The following TRMT1L variants were observed in gnomAD, a reference collection of about 807,000 sequenced individuals.
TRMT1L encodes the protein tRNA methyltransferase 1L, also known as tRNA (guanine(27)-N(2))-dimethyltransferase.
In TRMT1L, 28 loss-of-function variants were observed where a neutral mutation model predicts 81.6. That is an observed-to-expected ratio of 0.34 (90% CI 0.25 to 0.47). The LOEUF is 0.47. Ranked by LOEUF, TRMT1L falls within the 20% of genes least tolerant of loss-of-function variation. The probability of loss-of-function intolerance (pLI) is 1.00; values close to 1 mark genes in which losing one functional copy is unlikely to be tolerated. For synonymous variants in TRMT1L, 301 were observed against 303.2 expected (o/e 0.99, Z 0.07); for missense variants, 739 against 877.1 (o/e 0.84, Z 1.99).
intron 10 of TRMT1L, among the ~76,000 whole-genome samples, chr1:185,129,724 G>A (rs1358911810): frequency 2.6e-5 from 4 of 152,166 alleles, no homozygotes. Flanking sequence ...TTGGTATAAT[G>A]CATAGTTATG....
chr1:185,137,906 C>G, intron 9 of TRMT1L, 110 bp from the exon 10 acceptor site: 2 of 1,043,316 alleles, frequency 1.9e-6, no homozygotes, highest in South Asian at 1.9e-5. Flanking sequence ...TATGGGACAT[C>G]AAGAAAAATT....
In TRMT1L at chr1:185,156,619, C is replaced by A. The variant is rs1246269976; in HGVS notation, c.94G>T (p.Ala32Ser). ...TCCGGGGCCGGAGCTGGGACCCCAG[C>A]CGAGTCCCGGGCCGGGGTCGGGACC... ...VQVPTPARDS[A>S]GVPAPAPDSA... is the part of the protein sequence containing the mutation. The change falls in exon 1 of 15, where the codon GCT (alanine) becomes TCT (serine). Residue 32 changes from alanine (A) to serine (S), a missense_variant. Ala to Ser is a moderately conservative substitution (Grantham distance 99). Coordinates refer to ENST00000367506, the MANE Select transcript of TRMT1L (RefSeq NM_030934.5). The A allele has an allele frequency of 1.2e-6, 2 of 1,602,242 alleles. No individual in the cohort carries two copies. Among genetic ancestry groups the A allele is most frequent in the Admixed American group, 3.4e-5 (2 of 58,500 alleles).
intron 11 of TRMT1L, 30 bp from the exon 12 acceptor site, chr1:185,125,140 G>A: frequency 1.3e-6 from 2 of 1,516,532 alleles, no homozygotes; most frequent in Admixed American, 2.1e-5. Context: ...CAGAGAACTG[G>A]GTTTGAAAAA....
At chr1:185,139,316 C>G (rs1177978358) in intron 9 of TRMT1L, 51 bp downstream of exon 9, 1 of 1,469,922 alleles carries the variant, frequency 6.8e-7, no homozygotes, top group East Asian at 2.4e-5. Flanking sequence ...AATATTATCT[C>G]TTTTTATCAA....
At chr1:185,145,178 T>C (rs150505862) in intron 5 of TRMT1L, among the ~76,000 whole-genome samples, 26 of 152,022 alleles carry the variant, frequency 1.7e-4, no homozygotes, top group African/African-American at 6.3e-4. Context: ...AAAACAATTC[T>C]ATAATCTTTC....
intron 1 of TRMT1L, among the ~76,000 whole-genome samples, chr1:185,153,960 C>T (rs1359268274): frequency 3.3e-5 from 5 of 152,192 alleles, no homozygotes; most frequent in African/African-American, 7.2e-5. Flanking sequence ...TGTCCTTGTT[C>T]GCTTTCCCCA....
In TRMT1L at chr1:185,156,526, G is replaced by C. The variant is rs765330105; in HGVS notation, c.187C>G (p.Pro63Ala). Residue 63 changes from proline to alanine, a missense_variant, in exon 1 of 15, where the codon CCG (proline) becomes GCG (alanine). Pro to Ala is a conservative substitution (Grantham distance 27). Transcript: ENST00000367506. ...PAPAPALAQA[P>A]ALSPSLASAP... is the part of the protein sequence containing the mutation. ...GAGGCTAGGGACGGGGACAGGGCCG[G>C]AGCCTGGGCCAGGGCAGGGGCTGGG... 2 of 1,613,070 alleles carry C rather than the reference G, an allele frequency of 1.2e-6. No homozygotes were observed. The highest frequency in any genetic ancestry group is 1.3e-5 in the African/African-American group (1 of 74,902).
At chr1:185,135,696 T>C (rs1175535937) in intron 10 of TRMT1L, among the ~76,000 whole-genome samples, 1 of 151,656 alleles carries the variant, frequency 6.6e-6, no homozygotes, top group Non-Finnish European at 1.5e-5. Flanking sequence ...TAAAAAAAAA[T>C]CAGTTTTTCA....
chr1:185,138,451 A>G (rs1652954768), intron 9 of TRMT1L, among the ~76,000 whole-genome samples: 1 of 152,312 alleles, frequency 6.6e-6, no homozygotes, highest in Admixed American at 6.5e-5. Context: ...AAGGTCTATG[A>G]AGTCTAATAA....
In TRMT1L at chr1:185,140,093, T is replaced by C; in HGVS notation, c.989A>G (p.Asp330Gly). The change falls in exon 8 of 15, where the codon GAC (aspartate) becomes GGC (glycine). Residue 330 changes from aspartate (D) to glycine (G), a missense_variant. Asp to Gly is a moderately conservative substitution (Grantham distance 94). Around this residue, in one of 4 missense-constraint regions of TRMT1L, gnomAD observed 331 missense variants for 462.2 expected, o/e 0.72. Coordinates refer to ENST00000367506, the MANE Select transcript of TRMT1L (RefSeq NM_030934.5). Reference protein sequence around the residue: ...CHLNKLKVVVDSKEKEKSDDI... With the variant: ...CHLNKLKVVVGSKEKEKSDDI... ...ATCACTCTTTTCCTTTTCCTTACTGTCCACCACCACTTTCAATTTGTTTAA... is the reference window on the plus strand; with the variant it reads ...ATCACTCTTTTCCTTTTCCTTACTGCCCACCACCACTTTCAATTTGTTTAA... 6.2e-7 allele frequency: 1 copy of C among 1,613,856 alleles called. No homozygotes were observed. The highest frequency in any genetic ancestry group is 8.5e-7 in the Non-Finnish European group (1 of 1,179,872).
At chr1:185,138,434 A>G (rs562519091) in intron 9 of TRMT1L, among the ~76,000 whole-genome samples, 1 of 152,312 alleles carries the variant, frequency 6.6e-6, no homozygotes, top group East Asian at 1.9e-4. Flanking sequence ...AATTAGAAAC[A>G]ACCCTGAAGG....
intron 3 of TRMT1L, among the ~76,000 whole-genome samples, chr1:185,149,304 CTT>C (rs369603781): frequency 7.9e-5 from 11 of 139,862 alleles, no homozygotes; most frequent in Admixed American, 1.4e-4. Flanking sequence ...TTTACTTCCT[CTT>C]TTTTTTTTTT....
intron 2 of TRMT1L, 78 bp from the exon 3 acceptor site, chr1:185,150,570 T>TG (rs1653316322): frequency 1.0e-6 from 1 of 982,922 alleles, no homozygotes; most frequent in Middle Eastern, 2.1e-4. Context: ...AAGAGGTTAA[T>TG]GGGGGCTCCC....
chr1:185,134,703 T>C (rs764024915), intron 10 of TRMT1L, among the ~76,000 whole-genome samples: 12 of 152,254 alleles, frequency 7.9e-5, no homozygotes, highest in Non-Finnish European at 1.6e-4. Context: ...AGAACTTCTA[T>C]AAGGCACTCA....
In TRMT1L at chr1:185,123,911, C is replaced by A; in HGVS notation, c.1768G>T (p.Gly590Cys). The change falls in exon 13 of 15, where the codon GGT becomes TGT. Residue 590 changes from glycine (G) to cysteine (C), a missense_variant. By Grantham distance (159) the Gly-to-Cys change is radical (BLOSUM62 -3). Coordinates refer to ENST00000367506, the MANE Select transcript of TRMT1L (RefSeq NM_030934.5). ...TCATCTGTAGTTTTAATAAATACAC[C>A]ATTTTCTTCTAAAAAATAAAGCAAA... is the stretch of plus-strand genomic sequence containing the variant. Reference protein sequence around the residue: ...SSNVNKQEENGVFIKTTDDTT... With the variant: ...SSNVNKQEENCVFIKTTDDTT... The A allele has an allele frequency of 2.7e-6, 4 of 1,492,476 alleles. No homozygotes were observed. The highest frequency in any genetic ancestry group is 1.7e-4 in the Middle Eastern group (1 of 5,728). The allele number at this position is 1,492,476 out of a possible 1,614,324, so 92.5% of individuals were successfully genotyped here. A position where few individuals can be genotyped will look rare whatever the true frequency, so the allele number is the denominator to read the frequency against.
Position 185,131,341 on chromosome 1 carries a change from C to T in TRMT1L, c.1514-2594G>A, listed in dbSNP as rs1036075705. On this transcript the variant is annotated intron_variant, in intron 10 of 14. Coordinates refer to ENST00000367506, the MANE Select transcript of TRMT1L (RefSeq NM_030934.5). ...AAAACAATTTTTCACTGTGGACAACCGAAGACCACAAAACATTTGAGAACT... is the reference window on the plus strand; with the variant it reads ...AAAACAATTTTTCACTGTGGACAACTGAAGACCACAAAACATTTGAGAACT... Among the ~76,000 whole-genome samples, 7 of 151,918 alleles carry T rather than the reference C, an allele frequency of 4.6e-5. 1 individual carries two copies. In the South Asian group the frequency reaches 8.3e-4, roughly 18 times the overall value.
At position 185,125,075 on chromosome 1, in the gene TRMT1L, C is replaced by G; in HGVS notation, c.1628G>C (p.Arg543Thr). The change falls in exon 12 of 15, where the codon AGA (arginine) becomes ACA (threonine). Residue 543 changes from arginine to threonine, a missense_variant. Around this residue, in one of 4 missense-constraint regions of TRMT1L, gnomAD observed 196 missense variants for 232.6 expected, o/e 0.84. Transcript: ENST00000367506. ...SSLFNTGFLK[R>T]MLFESLHHGL... ...ATGGTGAAGAGATTCAAATAGCATT[C>G]TTTTGAGGAATCCAGTATTGAAAAG... 6.2e-7 allele frequency: 1 copy of G among 1,611,288 alleles called. No homozygotes were observed. The highest frequency in any genetic ancestry group is 8.5e-7 in the Non-Finnish European group (1 of 1,178,440).
At chr1:185,144,458 C>T (rs1653131987) in intron 5 of TRMT1L, among the ~76,000 whole-genome samples, 1 of 151,966 alleles carries the variant, frequency 6.6e-6, no homozygotes, top group Non-Finnish European at 1.5e-5. Context: ...CATATGGCTG[C>T]ATTCCATTAG....
rs1193345797 is a variant in TRMT1L, at chr1:185,124,987, T to G, written c.1716A>C (p.Gln572His). The change falls in exon 12 of 15, where the codon CAA becomes CAC. Residue 572 changes from glutamine to histidine, a missense_variant. Physicochemically the swap from Gln to His is conservative, Grantham distance 24 (BLOSUM62 0). This residue lies in a region of TRMT1L where 196 missense variants were observed against 232.6 expected (regional missense o/e 0.84). Coordinates refer to ENST00000367506, the MANE Select transcript of TRMT1L (RefSeq NM_030934.5). ...TLIFESECTPQSQFSIHASSN... is the reference protein window; with the variant it reads ...TLIFESECTPHSQFSIHASSN... ...AAGATGCATGAATTGAAAACTGACT[T>G]TGAGGCGTACACTCTGATTCAAAGA... 1 of 1,612,778 alleles carries G rather than the reference T, an allele frequency of 6.2e-7. No individual in the cohort carries two copies. The highest frequency in any genetic ancestry group is 1.7e-5 in the Admixed American group (1 of 59,988).
Sources: gnomAD v4.1 joint callset for allele counts (sites outside exome capture counted in the v4.1 genomes callset) on GRCh38, gnomAD v4.1.1 for gene constraint, gnomAD v4.1.1 regional missense constraint, MANE v1.5 for transcripts, NCBI Gene and HGNC (gene_info 2026-07-23, HGNC 2026-07-21) for gene names.